SORCS3: variants seen among roughly 807,000 people sequenced by gnomAD.
The protein encoded by SORCS3 is VPS10 domain-containing receptor SorCS3.
SORCS3 carries 57 observed loss-of-function variants against 146.3 expected under a neutral mutation model. The ratio of observed to expected loss-of-function variants is 0.39; its 90% CI spans 0.31 to 0.49. The LOEUF is 0.49. SORCS3 is among the 20% of genes least tolerant of loss of function. The pLI is 0.92. For synonymous variants in SORCS3, 653 were observed against 618.5 expected (o/e 1.06, Z -0.83); for missense variants, 1,341 against 1,575.5 (o/e 0.85, Z 2.52).
chr10:104,905,103 G>A (rs1414428190), intron 2 of SORCS3, among the ~76,000 whole-genome samples: 1 of 152,058 alleles, frequency 6.6e-6, no homozygotes, highest in Non-Finnish European at 1.5e-5. Flanking sequence ...CTACTACTCG[G>A]GTCTGTTGTC....
Position 105,149,894 on chromosome 10 carries a change from C to T in SORCS3, c.1482+2098C>T, listed in dbSNP as rs182840412. 4.6e-5 allele frequency among the ~76,000 whole-genome samples: 7 copies of T among 152,204 alleles called. No homozygotes were observed. In the East Asian group the frequency reaches 1.4e-3, roughly 29 times the overall value. Reference sequence around the variant, plus strand: ...CCAGATCCATGCAATTTTTTTCTTTCCACTTAAGTTGGTCTTGTGTTTTCA... The same window carrying T: ...CCAGATCCATGCAATTTTTTTCTTTTCACTTAAGTTGGTCTTGTGTTTTCA... On this transcript the variant is annotated intron_variant, in intron 9 of 26. Transcript: ENST00000369701.
intron 14 of SORCS3, among the ~76,000 whole-genome samples, chr10:105,199,165 A>G (rs1196287846): frequency 2.0e-5 from 3 of 152,010 alleles, no homozygotes; most frequent in East Asian, 1.9e-4. Context: ...TTACATCACT[A>G]TGATAGATGT....
chr10:105,115,896 GAC>G, intron 7 of SORCS3, among the ~76,000 whole-genome samples: 1 of 152,136 alleles, frequency 6.6e-6, no homozygotes, highest in East Asian at 1.9e-4. Flanking sequence ...CATCATTAGG[GAC>G]ACATTTACAA....
chr10:104,859,381 C>G (rs1483560519), intron 2 of SORCS3, among the ~76,000 whole-genome samples: 1 of 152,128 alleles, frequency 6.6e-6, no homozygotes, highest in Non-Finnish European at 1.5e-5. Flanking sequence ...AAAGCTGAAA[C>G]TGGATCCCTT....
intron 4 of SORCS3, among the ~76,000 whole-genome samples, chr10:105,021,308 C>T (rs2055196350): frequency 6.6e-6 from 1 of 152,102 alleles, no homozygotes; most frequent in African/African-American, 2.4e-5. Flanking sequence ...ATCAAACTCT[C>T]AGCCTTAAGC....
intron 1 of SORCS3, among the ~76,000 whole-genome samples, chr10:104,819,047 A>G (rs2017841978): frequency 6.6e-6 from 1 of 152,244 alleles, no homozygotes; most frequent in Middle Eastern, 3.4e-3. Context: ...TAACTAGGTC[A>G]TGTTTCTTGA....
intron 6 of SORCS3, among the ~76,000 whole-genome samples, chr10:105,104,159 T>TGTGCACATACAAGGAAACAA (rs1231016501): frequency 2.0e-5 from 3 of 152,190 alleles, no homozygotes; most frequent in Non-Finnish European, 4.4e-5. Flanking sequence ...TGCACACATA[T>TGTGCACATACAAGGAAACAA]GTGCACATAC....
At chr10:104,730,778 G>A (rs115174416) in intron 1 of SORCS3, among the ~76,000 whole-genome samples, 579 of 152,328 alleles carry the variant, frequency 3.8e-3, no homozygotes, top group African/African-American at 0.013. Context: ...AGAGCCAAGC[G>A]AAGGGGGAAT....
At chr10:104,891,886 G>A (rs1028845585) in intron 2 of SORCS3, among the ~76,000 whole-genome samples, 2 of 152,128 alleles carry the variant, frequency 1.3e-5, no homozygotes, top group Non-Finnish European at 2.9e-5. Context: ...TGGCACCTCC[G>A]AAGGTAATGA....
At chr10:105,003,821 C>T (rs1479807495) in intron 4 of SORCS3, among the ~76,000 whole-genome samples, 1 of 152,098 alleles carries the variant, frequency 6.6e-6, no homozygotes, top group East Asian at 1.9e-4. Flanking sequence ...ACAGTTCAGC[C>T]CTTAGAACTG....
intron 3 of SORCS3, among the ~76,000 whole-genome samples, chr10:104,970,294 G>C (rs2054852713): frequency 1.3e-5 from 2 of 152,178 alleles, no homozygotes; most frequent in Middle Eastern, 3.4e-3. Context: ...TTACAGGTGT[G>C]TACCTCCACG....
chr10:105,051,578 G>A (rs1397774674), intron 5 of SORCS3, among the ~76,000 whole-genome samples: 1 of 152,082 alleles, frequency 6.6e-6, no homozygotes, highest in Non-Finnish European at 1.5e-5. Context: ...CCAGAGTTAA[G>A]GAACAGACAG....
At chr10:105,243,048 T>C (rs1400762561) in intron 20 of SORCS3, among the ~76,000 whole-genome samples, 2 of 136,686 alleles carry the variant, frequency 1.5e-5, no homozygotes, top group Non-Finnish European at 3.1e-5. Flanking sequence ...TATATTTATA[T>C]ATATTTATAT....
At chr10:104,950,075 A>G (rs1426569679) in intron 3 of SORCS3, among the ~76,000 whole-genome samples, 1 of 152,224 alleles carries the variant, frequency 6.6e-6, no homozygotes, top group Non-Finnish European at 1.5e-5. Flanking sequence ...ACAATAAGAG[A>G]TAAGATGAGG....
chr10:105,239,459 G>T (rs1235950634), intron 20 of SORCS3, among the ~76,000 whole-genome samples: 1 of 152,168 alleles, frequency 6.6e-6, no homozygotes, highest in Non-Finnish European at 1.5e-5. Flanking sequence ...CCTGCAGCTT[G>T]CTTAGTTCCA....
At chr10:105,204,155 C>T (rs183059967) in intron 16 of SORCS3, among the ~76,000 whole-genome samples, 42 of 152,156 alleles carry the variant, frequency 2.8e-4, no homozygotes, top group East Asian at 3.9e-4. Flanking sequence ...GGATCCAAGA[C>T]GCTGTAATGT....
chr10:105,183,798 G>A (rs1275760133), intron 14 of SORCS3, among the ~76,000 whole-genome samples: 2 of 143,122 alleles, frequency 1.4e-5, no homozygotes, highest in African/African-American at 2.6e-5. Flanking sequence ...GATGATGGTA[G>A]GGTATACTGG....
intron 1 of SORCS3, among the ~76,000 whole-genome samples, chr10:104,832,849 A>G (rs1489866183): frequency 6.6e-6 from 1 of 152,222 alleles, no homozygotes; most frequent in Non-Finnish European, 1.5e-5. Flanking sequence ...GACATGATTT[A>G]AATATTCTGT....
chr10:104,667,534 A>T (rs751447172), intron 1 of SORCS3, among the ~76,000 whole-genome samples: 1 of 152,258 alleles, frequency 6.6e-6, no homozygotes, highest in African/African-American at 2.4e-5. Context: ...CTGCTACAGA[A>T]ATAAATGAGC....
Sources: gnomAD v4.1 joint callset for allele counts (sites outside exome capture counted in the v4.1 genomes callset) on GRCh38, gnomAD v4.1.1 for gene constraint, MANE v1.5 for transcripts, NCBI Gene and HGNC (gene_info 2026-07-23, HGNC 2026-07-21) for gene names.